USP54: variants seen among roughly 807,000 people sequenced by gnomAD.
USP54 encodes ubiquitin specific peptidase 54.
A neutral mutation model predicts 170.5 loss-of-function variants in USP54; 87 were observed. That is an observed-to-expected ratio of 0.51 (90% CI 0.43 to 0.61). The LOEUF (loss-of-function observed/expected upper bound fraction) is 0.61, where lower values mean the gene tolerates loss of function less well. Among genes scored for constraint, USP54 ranks in the 20% least tolerant of loss-of-function variants. USP54 has a pLI of 0.00. For missense variants in USP54, 1,786 were observed against 2,047.8 expected, an observed-to-expected ratio of 0.87 and a Z score of 2.47; for synonymous variants, 655 against 742.8, an observed-to-expected ratio of 0.88 and a Z score of 1.92.
intron 1 of USP54, among the ~76,000 whole-genome samples, chr10:73,603,319 A>T (rs755937908): frequency 6.6e-5 from 10 of 152,224 alleles, no homozygotes; most frequent in Admixed American, 2.0e-4. Flanking sequence ...AATTTTTAAA[A>T]AACAGAACTG....
intron 1 of USP54, among the ~76,000 whole-genome samples, chr10:73,607,830 C>CA (rs770614076): frequency 0.033 from 1,923 of 59,124 alleles, 41 homozygotes; most frequent in African/African-American, 0.088. Flanking sequence ...GACTCCGTCT[C>CA]AAAAAAAAAA....
rs150856920 is a variant in USP54, at chr10:73,500,827, G to A, written c.4323C>T (p.Asn1441=). ...PVSSHSFDSS[N]VRKPLETGHR... ...GCCCGGTTTCCAAAGGCTTCCTCAC[G>A]TTTGATGAATCCTTATAATGAGACA... Residue 1441 remains asparagine, a synonymous_variant, in exon 23 of 24, where the codon AAC becomes AAT. Coordinates refer to ENST00000687698, the MANE Select transcript of USP54 (RefSeq NM_001391956.1). 15 of 1,600,190 alleles carry A rather than the reference G, an allele frequency of 9.4e-6. No homozygotes were observed. The highest frequency in any genetic ancestry group is 2.2e-5 in the South Asian group (2 of 89,326).
chr10:73,533,411 C>T (rs2064475708), intron 12 of USP54, among the ~76,000 whole-genome samples: 1 of 151,988 alleles, frequency 6.6e-6, no homozygotes, highest in African/African-American at 2.4e-5. Context: ...GGATGTGCTT[C>T]AAAATAATCC....
intron 16 of USP54, among the ~76,000 whole-genome samples, chr10:73,526,203 T>G (rs1413435457): frequency 3.3e-5 from 5 of 152,152 alleles, no homozygotes; most frequent in African/African-American, 1.2e-4. Context: ...ATGGAGCAAC[T>G]GAAATGACTC....
intron 1 of USP54, among the ~76,000 whole-genome samples, chr10:73,609,472 G>A (rs916262097): frequency 2.0e-5 from 3 of 152,160 alleles, no homozygotes; most frequent in Non-Finnish European, 4.4e-5. Flanking sequence ...AGCACTTTGG[G>A]AGGCCGAGGT....
At chr10:73,587,672 T>C (rs979027053) in intron 1 of USP54, among the ~76,000 whole-genome samples, 14 of 152,190 alleles carry the variant, frequency 9.2e-5, no homozygotes, top group African/African-American at 3.1e-4. Flanking sequence ...TTGACCAAGT[T>C]ATTGAACTAA....
chr10:73,504,967 G>T lies in USP54; in HGVS notation c.4194C>A (p.Ser1398Arg), dbSNP rs770431387. Reference protein sequence around the residue: ...TSQATPCRGLSRECGEDEQYS... With the variant: ...TSQATPCRGLRRECGEDEQYS... ...ACTGCTCATCCTCCCCACACTCCCT[G>T]CTGAGGCCTCGGCAAGGTGTAGCCT... is the stretch of plus-strand genomic sequence containing the variant. Residue 1398 changes from serine (S) to arginine (R), a missense_variant, in exon 22 of 24, where the codon AGC becomes AGA. Around this residue, in one of 3 missense-constraint regions of USP54, gnomAD observed 1,418 missense variants for 1,569.0 expected, o/e 0.90. Coordinates refer to ENST00000687698, the MANE Select transcript of USP54 (RefSeq NM_001391956.1). 4.2e-5 allele frequency: 68 copies of T among 1,614,122 alleles called. No individual in the cohort carries two copies. Among genetic ancestry groups the T allele is most frequent in the Admixed American group, 5.0e-5 (3 of 60,022 alleles).
At chr10:73,517,855 G>A in intron 19 of USP54, 108 bp from the exon 20 acceptor site, 1 of 1,364,894 alleles carries the variant, frequency 7.3e-7, no homozygotes, top group Non-Finnish European at 9.9e-7. Context: ...ACAGGGAATG[G>A]TAAAAATAAA....
At chr10:73,530,626 G>A in intron 13 of USP54, 78 bp downstream of exon 13, 5 of 1,584,588 alleles carry the variant, frequency 3.2e-6, no homozygotes, top group Non-Finnish European at 4.3e-6. Context: ...ACAGAAAGGA[G>A]AAGCCAACAG....
chr10:73,558,857 T>C (rs554946386), intron 4 of USP54, among the ~76,000 whole-genome samples: 26 of 152,334 alleles, frequency 1.7e-4, no homozygotes, highest in Non-Finnish European at 5.9e-5. Flanking sequence ...ACCAATAATA[T>C]AAATACTTGA....
chr10:73,568,597 A>G (rs940792251), intron 4 of USP54, among the ~76,000 whole-genome samples: 20 of 151,468 alleles, frequency 1.3e-4, no homozygotes, highest in Admixed American at 5.9e-4. Flanking sequence ...CCCTTAGGGG[A>G]AAAAAAAATC....
At chr10:73,526,916 T>G in intron 15 of USP54, 136 bp from the exon 16 acceptor site, 1 of 1,063,378 alleles carries the variant, frequency 9.4e-7, no homozygotes, top group African/African-American at 1.6e-5. Flanking sequence ...TCTGAAGAAT[T>G]GAAATATCCA....
intron 1 of USP54, among the ~76,000 whole-genome samples, chr10:73,587,458 G>C (rs1454234293): frequency 6.6e-6 from 1 of 151,914 alleles, no homozygotes; most frequent in African/African-American, 2.4e-5. Flanking sequence ...CTGGGCAACA[G>C]AGCGAGACTC....
chr10:73,620,766 T>C lies in USP54; in HGVS notation c.-18+4801A>G, dbSNP rs193299564. ...CAGCCTGCCCAACATGGTGAAACCC[T>C]GTCTCTACCAAAAATACAAAAAATT... On this transcript the variant is annotated intron_variant, in intron 1 of 22. Coordinates refer to the USP54 transcript ENST00000339859. Among the ~76,000 whole-genome samples, 547 of 149,800 alleles carry C rather than the reference T, an allele frequency of 3.7e-3. 53 individuals are homozygous for C. Among genetic ancestry groups the C allele is most frequent in the African/African-American group, 0.013 (528 of 39,474 alleles).
intron 5 of USP54, among the ~76,000 whole-genome samples, chr10:73,544,708 C>CT (rs534713811): frequency 1.1e-4 from 16 of 148,992 alleles, no homozygotes; most frequent in South Asian, 4.3e-4. Flanking sequence ...CTCAAATTTT[C>CT]TTTTTTTTTT....
At chr10:73,604,802 G>T (rs954476050) in intron 1 of USP54, among the ~76,000 whole-genome samples, 1 of 152,110 alleles carries the variant, frequency 6.6e-6, no homozygotes, top group Non-Finnish European at 1.5e-5. Context: ...TCTTCACGAT[G>T]AGTGTTACAG....
intron 4 of USP54, among the ~76,000 whole-genome samples, chr10:73,550,357 T>A (rs1430010506): frequency 2.0e-5 from 3 of 152,214 alleles, no homozygotes; most frequent in Non-Finnish European, 4.4e-5. Context: ...CAATCACTCA[T>A]TTCCTGTGGA....
intron 16 of USP54, among the ~76,000 whole-genome samples, chr10:73,526,256 CT>C (rs994545177): frequency 6.6e-6 from 1 of 151,432 alleles, no homozygotes; most frequent in East Asian, 1.9e-4. Context: ...TAACTGTCCT[CT>C]TTTTTTTTGA....
At chr10:73,556,350 T>TC (rs985109771) in intron 4 of USP54, among the ~76,000 whole-genome samples, 2 of 150,226 alleles carry the variant, frequency 1.3e-5, no homozygotes, top group African/African-American at 4.9e-5. Context: ...TTTTTCTTTT[T>TC]TTTTTTTTTT....
Sources: gnomAD v4.1 joint callset for allele counts (sites outside exome capture counted in the v4.1 genomes callset) on GRCh38, gnomAD v4.1.1 for gene constraint, gnomAD v4.1.1 regional missense constraint, MANE v1.5 for transcripts, NCBI Gene and HGNC (gene_info 2026-07-23, HGNC 2026-07-21) for gene names.